Variants in PCDHGA3 observed in about 807,000 individuals in gnomAD.
PCDHGA3 encodes protocadherin gamma-A3.
PCDHGA3 carries 40 observed loss-of-function variants against 58.5 expected under a neutral mutation model. The ratio of observed to expected loss-of-function variants is 0.68; its 90% confidence interval spans 0.53 to 0.89. The LOEUF (loss-of-function observed/expected upper bound fraction) is 0.89, where lower values mean the gene tolerates loss of function less well. Among genes scored for constraint, PCDHGA3 ranks in the 40% least tolerant of loss-of-function variants. The pLI, the probability that PCDHGA3 is intolerant of heterozygous loss-of-function variation, is 0.00. For synonymous variants in PCDHGA3, 530 were observed against 525.7 expected, an observed-to-expected ratio of 1.01 and a Z score of -0.11; for missense variants, 1,223 against 1,195.9, an observed-to-expected ratio of 1.02 and a Z score of -0.33.
At chr5:141,450,453 C>T (rs1202828231) in intron 1 of PCDHGA3, among the ~76,000 whole-genome samples, 3 of 152,058 alleles carry the variant, frequency 2.0e-5, no homozygotes, top group East Asian at 1.9e-4. Flanking sequence ...TATGTTTCCT[C>T]GTGATTTTAT....
At chr5:141,411,562 C>A (rs569842846) in intron 1 of PCDHGA3, 1 of 152,054 alleles carries the variant, frequency 6.6e-6, no homozygotes, top group Non-Finnish European at 1.5e-5. Context: ...CCAGCCTGGG[C>A]GACAGAGTGC....
chr5:141,417,963 A>T (rs1260025037), intron 1 of PCDHGA3: 1 of 1,613,258 alleles, frequency 6.2e-7, no homozygotes, highest in Non-Finnish European at 8.5e-7. Flanking sequence ...CCGATCCGCT[A>T]CTCGATTCCG....
At chr5:141,384,213 A>G (rs1779846196) in intron 1 of PCDHGA3, 2 of 1,613,872 alleles carry the variant, frequency 1.2e-6, no homozygotes, top group Non-Finnish European at 1.7e-6. Context: ...AAACTCACAT[A>G]TTCATGCAGG....
At chr5:141,360,262 A>G in intron 1 of PCDHGA3, 1 of 1,613,978 alleles carries the variant, frequency 6.2e-7, no homozygotes, top group Non-Finnish European at 8.5e-7. Context: ...GGAGCTGGCC[A>G]AAAACTCGGT....
At chr5:141,394,689 G>A (rs1354749268) in intron 1 of PCDHGA3, 4 of 1,612,344 alleles carry the variant, frequency 2.5e-6, no homozygotes, top group Non-Finnish European at 3.4e-6. Flanking sequence ...CACGGGCGAG[G>A]TGCGCACGGC....
At chr5:141,375,187 T>A in intron 1 of PCDHGA3, 1 of 1,613,994 alleles carries the variant, frequency 6.2e-7, no homozygotes, top group Non-Finnish European at 8.5e-7. Flanking sequence ...TAATCGCCCT[T>A]TTTCAAGTGT....
rs370582023 is a variant in PCDHGA3 at position 141,372,189 on chromosome 5, G to A, written c.2424+25732G>A. ...GGTGGTGGCGGTGGACGCAGACTCG[G>A]GATACAACGCCTGGCTGTCCTACCA... On this transcript the variant is annotated intron_variant, in intron 1 of 3. Transcript: ENST00000253812. 3.7e-6 allele frequency: 6 copies of A among 1,613,500 alleles called. No homozygotes were observed. The African/African-American group carries it at 4.0e-5, about 11-fold the overall frequency.
At chr5:141,404,451 C>G in intron 1 of PCDHGA3, 4 of 1,613,166 alleles carry the variant, frequency 2.5e-6, no homozygotes, top group Non-Finnish European at 3.4e-6. Flanking sequence ...CAAGGGTCTC[C>G]TCTCTCCACC....
chr5:141,374,114 A>G, intron 1 of PCDHGA3: 1 of 1,580,920 alleles, frequency 6.3e-7, no homozygotes, highest in Non-Finnish European at 8.6e-7. Flanking sequence ...TCCGCAGCGC[A>G]GCGAGCAGGT....
chr5:141,383,378 CAG>C (rs1561596110), intron 1 of PCDHGA3: 1 of 1,614,002 alleles, frequency 6.2e-7, no homozygotes, highest in Non-Finnish European at 8.5e-7. Flanking sequence ...GCTGGGGATC[CAG>C]ATGTGGGCAC....
intron 1 of PCDHGA3, chr5:141,371,206 A>T: frequency 6.2e-7 from 1 of 1,614,018 alleles, no homozygotes. Context: ...GACATGGATG[A>T]GGGCATCAAT....
In PCDHGA3 at chr5:141,345,445, T is replaced by G; in HGVS notation, c.1412T>G (p.Ile471Ser). Residue 471 changes from isoleucine to serine, a missense_variant, in exon 1 of 4, where the codon ATC becomes AGC. By Grantham distance (142) the Ile-to-Ser change is moderately radical. Around this residue, in one of 3 missense-constraint regions of PCDHGA3, gnomAD observed 791 missense variants for 708.5 expected, o/e 1.12. Coordinates refer to ENST00000253812, the MANE Select transcript of PCDHGA3 (RefSeq NM_018916.4). ...IPENNPRGAS[I>S]FSVTAQDPDS... ...GAAAACAACCCCAGAGGAGCCTCCA[T>G]CTTCTCAGTGACAGCCCAGGACCCA... 1.2e-6 allele frequency: 2 copies of G among 1,613,958 alleles called. No individual in the cohort carries two copies. The highest frequency in any genetic ancestry group is 1.7e-6 in the Non-Finnish European group (2 of 1,179,966).
rs1387152450 is a variant in PCDHGA3 at position 141,487,754 on chromosome 5, G to A, written c.2425-7053G>A. The A allele has an allele frequency of 1.3e-6, 2 of 1,552,036 alleles. No individual in the cohort carries two copies. Among genetic ancestry groups the A allele is most frequent in the Admixed American group, 3.9e-5 (2 of 50,970 alleles). ...CATTTTTGTAAGAGGTAACTATGTG[G>A]TAGACGCTGTGCTTTGTAACTGTTT... On this transcript the variant is annotated intron_variant, in intron 1 of 3. Transcript: ENST00000253812. This position sits in a 1 kb window ranked among gnomAD's most constrained non-coding sequence, Gnocchi z 5.0.
intron 2 of PCDHGA3, among the ~76,000 whole-genome samples, chr5:141,505,007 C>T (rs1210694913): frequency 6.6e-6 from 1 of 152,050 alleles, no homozygotes; most frequent in Non-Finnish European, 1.5e-5. Flanking sequence ...ACTAAAAATA[C>T]AAAAATTAGC....
Position 141,372,061 on chromosome 5 carries a change from AC to A in PCDHGA3, c.2424+25605del, listed in dbSNP as rs773665526. On this transcript the variant is annotated intron_variant, in intron 1 of 3. Coordinates refer to ENST00000253812, the MANE Select transcript of PCDHGA3 (RefSeq NM_018916.4). ...CTGCGCGTGTTGGTGGACGACCGCA[AC>A]GACAATGCACCGCTGGTGCTGTACC... 71 of 1,613,454 alleles carry A rather than the reference AC, an allele frequency of 4.4e-5. No homozygotes were observed. The African/African-American group carries it at 9.1e-4, about 21-fold the overall frequency.
At chr5:141,469,259 A>G (rs1263722797) in intron 1 of PCDHGA3, among the ~76,000 whole-genome samples, 1 of 151,822 alleles carries the variant, frequency 6.6e-6, no homozygotes, top group Admixed American at 6.6e-5. Flanking sequence ...CTTGGGCAAC[A>G]GAGCAAGACC....
intron 1 of PCDHGA3, chr5:141,414,917 T>A: frequency 6.2e-7 from 1 of 1,614,148 alleles, no homozygotes; most frequent in Non-Finnish European, 8.5e-7. Context: ...GGCGTGGAGC[T>A]GGCGCCCCGC....
At chr5:141,347,424 C>T (rs1015166008) in intron 1 of PCDHGA3, among the ~76,000 whole-genome samples, 5 of 151,938 alleles carry the variant, frequency 3.3e-5, no homozygotes, top group Non-Finnish European at 7.4e-5. Flanking sequence ...CAAAGTACTG[C>T]GATTAGAGGC....
In PCDHGA3 at chr5:141,431,887, T is replaced by C; in HGVS notation, c.2425-62920T>C. The C allele has an allele frequency of 1.2e-6, 2 of 1,614,190 alleles. No individual in the cohort carries two copies. The highest frequency in any genetic ancestry group is 1.7e-6 in the Non-Finnish European group (2 of 1,179,996). ...TTTTAAATGTAAATGACCAAGATTCTGAGGAAAACGGACAGGTGATCTGTT... is the reference window on the plus strand; with the variant it reads ...TTTTAAATGTAAATGACCAAGATTCCGAGGAAAACGGACAGGTGATCTGTT... On this transcript the variant is annotated intron_variant, in intron 1 of 3. Coordinates refer to ENST00000253812, the MANE Select transcript of PCDHGA3 (RefSeq NM_018916.4). The surrounding 1 kb of genome is among the most constrained non-coding windows in gnomAD (Gnocchi z 4.8).
Sources: allele counts gnomAD v4.1 joint callset (sites outside exome capture counted in the v4.1 genomes callset), GRCh38; gene constraint gnomAD v4.1.1; regional missense constraint gnomAD v4.1.1; non-coding constraint Gnocchi (gnomAD v3.1); transcripts MANE v1.5; gene names NCBI Gene and HGNC (gene_info 2026-07-23, HGNC 2026-07-21).